NALCN: variants seen among roughly 807,000 people sequenced by gnomAD.
NALCN encodes sodium leak channel NALCN.
In NALCN, 111 loss-of-function variants were observed where a neutral mutation model predicts 225.3. The ratio of observed to expected loss-of-function variants is 0.49; its 90% confidence interval spans 0.42 to 0.58. The LOEUF (loss-of-function observed/expected upper bound fraction) is 0.58, where lower values mean the gene tolerates loss of function less well. Ranked by LOEUF, NALCN falls within the 20% of genes least tolerant of loss-of-function variation. NALCN has a pLI of 0.00. For missense variants in NALCN, 1,378 were observed against 2,202.4 expected (o/e 0.63, Z 7.49); for synonymous variants, 764 against 769.0 (o/e 0.99, Z 0.11).
chr13:101,413,361 T>C (rs532494611), intron 1 of NALCN, among the ~76,000 whole-genome samples: 4 of 152,142 alleles, frequency 2.6e-5, no homozygotes, highest in African/African-American at 4.8e-5. Flanking sequence ...AAACATAAAA[T>C]AGAAATAAAT....
At chr13:101,066,157 C>A (rs2032370549) in intron 39 of NALCN, among the ~76,000 whole-genome samples, 1 of 151,958 alleles carries the variant, frequency 6.6e-6, no homozygotes, top group Admixed American at 6.6e-5. Context: ...GAAGCCCAGT[C>A]TCTACTAAAA....
chr13:101,185,647 T>C (rs2039417271), intron 14 of NALCN, among the ~76,000 whole-genome samples: 1 of 152,260 alleles, frequency 6.6e-6, no homozygotes. Context: ...ATGGAGGTTA[T>C]GAATATGCAT....
intron 6 of NALCN, among the ~76,000 whole-genome samples, chr13:101,375,287 C>A (rs931617736): frequency 1.3e-5 from 2 of 152,130 alleles, no homozygotes; most frequent in African/African-American, 2.4e-5. Context: ...CTCATTTGCT[C>A]TTCCTGATGC....
intron 6 of NALCN, among the ~76,000 whole-genome samples, chr13:101,365,160 C>A (rs1303195173): frequency 1.3e-5 from 2 of 152,126 alleles, no homozygotes; most frequent in Non-Finnish European, 2.9e-5. Context: ...ATAAGCATAG[C>A]ACCCGATAGG....
chr13:101,360,541 G>C (rs2046223055), intron 6 of NALCN, among the ~76,000 whole-genome samples: 1 of 151,972 alleles, frequency 6.6e-6, no homozygotes, highest in South Asian at 2.1e-4. Flanking sequence ...CCAGTTTCAG[G>C]TATTTCTTTA....
intron 10 of NALCN, among the ~76,000 whole-genome samples, chr13:101,263,853 T>C (rs892696998): frequency 2.6e-5 from 4 of 152,216 alleles, no homozygotes; most frequent in African/African-American, 9.6e-5. Context: ...ACTCCAGCTT[T>C]AAAGTTAGAG....
chr13:101,199,501 GA>G (rs1366239702), intron 13 of NALCN, among the ~76,000 whole-genome samples: 2 of 151,590 alleles, frequency 1.3e-5, no homozygotes, highest in African/African-American at 4.9e-5. Context: ...CCTTTGTAGG[GA>G]CATGGATGAA....
rs767899309 is a variant in NALCN, at chr13:101,346,057, T to TTCTCTCTCTCTCTCTC, written c.645-653_645-638dup. On this transcript the variant is annotated intron_variant, in intron 6 of 43. Coordinates refer to ENST00000251127, the MANE Select transcript of NALCN (RefSeq NM_052867.4). ...TATATATATGAGACCTTGAGAGACT[T>TTCTCTCTCTCTCTCTC]TCTCTCTCTCTCTCTCTCTCTCTCT... is the stretch of plus-strand genomic sequence containing the variant. 2.8e-3 allele frequency among the ~76,000 whole-genome samples: 209 copies of TTCTCTCTCTCTCTCTC among 75,456 alleles called. 3 individuals carry two copies. Among genetic ancestry groups the TTCTCTCTCTCTCTCTC allele is most frequent in the Admixed American group, 0.011 (58 of 5,356 alleles). 49.5% of individuals were successfully genotyped at this position (75,456 alleles called of 152,430 possible). A position where few individuals can be genotyped will look rare whatever the true frequency, so the allele number is the denominator to read the frequency against.
chr13:101,395,151 G>C (rs201816719), intron 3 of NALCN, 32 bp downstream of exon 3: 1 of 1,584,596 alleles, frequency 6.3e-7, no homozygotes, highest in African/African-American at 1.4e-5. Context: ...ACACATTTAG[G>C]TTCTTAGTTT....
At chr13:101,183,456 TTGAG>T (rs1417430991) in intron 14 of NALCN, among the ~76,000 whole-genome samples, 1 of 140,956 alleles carries the variant, frequency 7.1e-6, no homozygotes, top group Non-Finnish European at 1.6e-5. Context: ...GATATTTCTA[TTGAG>T]TGATTGATTG....
Position 101,104,988 on chromosome 13 carries a change from C to A in NALCN, c.2580-38G>T. 1 of 1,581,680 alleles carries A rather than the reference C, an allele frequency of 6.3e-7. No homozygotes were observed. Among genetic ancestry groups the A allele is most frequent in the Non-Finnish European group, 8.7e-7 (1 of 1,153,046 alleles). ...ACATATATAAAATTCTGCAACAAAG[C>A]AAGCATGTTTTAACTTGCTAAAAAT... On this transcript the variant is annotated intron_variant, in intron 22 of 43. Transcript: ENST00000251127. The surrounding 1 kb of genome is among the most constrained non-coding windows in gnomAD (Gnocchi z 4.2).
At chr13:101,283,596 A>G (rs1306732663) in intron 10 of NALCN, among the ~76,000 whole-genome samples, 1 of 152,226 alleles carries the variant, frequency 6.6e-6, no homozygotes, top group African/African-American at 2.4e-5. Context: ...TCGGGGAGGT[A>G]TGAAACAATG....
At chr13:101,388,985 G>A (rs114519694) in intron 3 of NALCN, among the ~76,000 whole-genome samples, 51 of 152,256 alleles carry the variant, frequency 3.3e-4, no homozygotes, top group African/African-American at 1.2e-3. Flanking sequence ...AGCTAGGGCC[G>A]GGCAACGTCC....
chr13:101,223,787 C>T (rs1240192618), intron 13 of NALCN, among the ~76,000 whole-genome samples: 1 of 152,144 alleles, frequency 6.6e-6, no homozygotes, highest in Admixed American at 6.6e-5. Context: ...ATATGGGAGA[C>T]CACTTGCCCC....
chr13:101,294,633 G>A (rs931339125), intron 7 of NALCN, among the ~76,000 whole-genome samples: 7 of 139,854 alleles, frequency 5.0e-5, no homozygotes, highest in African/African-American at 1.3e-4. Context: ...CTGTGATGCC[G>A]CCAACGTACT....
Position 101,079,794 on chromosome 13 carries a change from C to G in NALCN, c.3885+1733G>C, listed in dbSNP as rs1050467946. Reference sequence around the variant, plus strand: ...TACTTCAGGATGACTGAGAGCTCACCTAGGCTTCATACAGCCCCTGATGCT... The same window carrying G: ...TACTTCAGGATGACTGAGAGCTCACGTAGGCTTCATACAGCCCCTGATGCT... On this transcript the variant is annotated intron_variant, in intron 34 of 43. Coordinates refer to ENST00000251127, the MANE Select transcript of NALCN (RefSeq NM_052867.4). Among the ~76,000 whole-genome samples, 40 of 152,290 alleles carry G rather than the reference C, an allele frequency of 2.6e-4. 1 individual carries two copies. The highest frequency in any genetic ancestry group is 8.9e-4 in the African/African-American group (37 of 41,566).
intron 14 of NALCN, chr13:101,180,964 T>C: frequency 2.3e-6 from 1 of 432,650 alleles, no homozygotes; most frequent in Admixed American, 2.5e-5. Flanking sequence ...GCCACGCAAG[T>C]GTGAAGAAGG....
chr13:101,345,074 C>T (rs1276035108), intron 7 of NALCN, among the ~76,000 whole-genome samples, 192 bp downstream of exon 7: 1 of 152,150 alleles, frequency 6.6e-6, no homozygotes, highest in Non-Finnish European at 1.5e-5. Context: ...TGCCCATATA[C>T]ATACACAGCT....
intron 6 of NALCN, among the ~76,000 whole-genome samples, chr13:101,347,246 A>C (rs997073440): frequency 6.6e-6 from 1 of 151,910 alleles, no homozygotes; most frequent in Non-Finnish European, 1.5e-5. Flanking sequence ...AAACACCCTA[A>C]GCTATTCCTT....
Sources: gnomAD v4.1 joint callset for allele counts (sites outside exome capture counted in the v4.1 genomes callset) on GRCh38, gnomAD v4.1.1 for gene constraint, Gnocchi (gnomAD v3.1) non-coding constraint, MANE v1.5 for transcripts, NCBI Gene and HGNC (gene_info 2026-07-23, HGNC 2026-07-21) for gene names.